The following LSAMP variants were observed in gnomAD, a reference collection of about 807,000 sequenced individuals.
The protein encoded by LSAMP is limbic system associated membrane protein, also known as limbic system-associated membrane protein.
LSAMP carries 7 observed loss-of-function variants against 38.6 expected under a neutral mutation model. The ratio of observed to expected loss-of-function variants is 0.18; its 90% CI spans 0.10 to 0.34. The LOEUF (loss-of-function observed/expected upper bound fraction) is 0.34. Ranked by LOEUF, LSAMP falls within the 10% of genes least tolerant of loss-of-function variation. The pLI, the probability that LSAMP is intolerant of heterozygous loss-of-function variation, is 1.00. For synonymous variants in LSAMP, 154 were observed against 166.8 expected (o/e 0.92, Z 0.59); for missense variants, 313 against 420.0 (o/e 0.75, Z 2.23).
intron 3 of LSAMP, among the ~76,000 whole-genome samples, chr3:115,947,328 A>G (rs1348237254): frequency 6.6e-6 from 1 of 152,194 alleles, no homozygotes; most frequent in Non-Finnish European, 1.5e-5. Flanking sequence ...GAAAATTAGG[A>G]GAATTATAAA....
intron 1 of LSAMP, among the ~76,000 whole-genome samples, chr3:116,230,210 AC>A (rs1197711218): frequency 6.6e-6 from 1 of 152,010 alleles, no homozygotes; most frequent in Non-Finnish European, 1.5e-5. Context: ...TGAGTCTTTC[AC>A]ACTTGTGGGT....
At chr3:115,918,503 A>G (rs1364117912) in intron 3 of LSAMP, among the ~76,000 whole-genome samples, 1 of 152,152 alleles carries the variant, frequency 6.6e-6, no homozygotes, top group African/African-American at 2.4e-5. Flanking sequence ...CTCTCTGGCC[A>G]AGACTGTTAC....
rs183505671 is a variant in LSAMP, at chr3:115,926,057, A to G, written c.515-73440T>C. ...ATCCTAGAGAGCATTAAAAAGAAAA[A>G]AAAACATGTAAGGGAGTTTGCTAAA... On this transcript the variant is annotated intron_variant, in intron 3 of 6. Transcript: ENST00000490035. 1.0e-3 allele frequency among the ~76,000 whole-genome samples: 153 copies of G among 152,318 alleles called. No individual in the cohort carries two copies. In the South Asian group the frequency reaches 0.025, roughly 25 times the overall value.
At chr3:116,357,524 C>T (rs1442844662) in intron 1 of LSAMP, among the ~76,000 whole-genome samples, 1 of 152,158 alleles carries the variant, frequency 6.6e-6, no homozygotes, top group Non-Finnish European at 1.5e-5. Flanking sequence ...TTTAAAACCT[C>T]GCACATGGTA....
chr3:116,192,897 A>T (rs886967821), intron 1 of LSAMP, among the ~76,000 whole-genome samples: 1 of 152,138 alleles, frequency 6.6e-6, no homozygotes, highest in African/African-American at 2.4e-5. Context: ...AATTTCCTCT[A>T]CCTGGTAAAT....
At chr3:116,177,038 AG>A (rs1338919129) in intron 1 of LSAMP, among the ~76,000 whole-genome samples, 1 of 152,148 alleles carries the variant, frequency 6.6e-6, no homozygotes, top group Non-Finnish European at 1.5e-5. Flanking sequence ...ATTAGATAAA[AG>A]CAAAGTTGGC....
intron 2 of LSAMP, among the ~76,000 whole-genome samples, chr3:116,077,350 T>C (rs1707767369): frequency 6.6e-6 from 1 of 152,086 alleles, no homozygotes; most frequent in Admixed American, 6.5e-5. Flanking sequence ...GCTCACTAAA[T>C]TCCAGAGTAT....
At chr3:115,953,434 CACACACACAAT>C (rs1417582772) in intron 3 of LSAMP, among the ~76,000 whole-genome samples, 1 of 151,762 alleles carries the variant, frequency 6.6e-6, no homozygotes, top group Non-Finnish European at 1.5e-5. Context: ...CACACACACA[CACACACACAAT>C]GTCTAAAATA....
Position 115,806,150 on chromosome 3 carries a change from G to A in LSAMP, c.*4167C>T, listed in dbSNP as rs948346423. The A allele has an allele frequency of 3.2e-4, 49 of 152,048 alleles. No homozygotes were observed. The highest frequency in any genetic ancestry group is 1.1e-3 in the African/African-American group (47 of 41,404). The allele number at this position is 152,048 out of a possible 1,614,324, so 9.4% of individuals were successfully genotyped here. A position where few individuals can be genotyped will look rare whatever the true frequency, so the allele number is the denominator to read the frequency against. On this transcript the variant is annotated 3_prime_UTR_variant, in exon 7 of 7. Transcript: ENST00000490035. The stretch of plus-strand genomic sequence containing the variant: ...ATAGTCTATAAGCAAATTTCTTTTC[G>A]CCAAATAATTACAAAACGGAAAAAG...
chr3:116,340,922 T>G (rs76491658), intron 1 of LSAMP, among the ~76,000 whole-genome samples: 1 of 152,006 alleles, frequency 6.6e-6, no homozygotes, highest in Non-Finnish European at 1.5e-5. Context: ...TCTTTCAACA[T>G]AGGAGAAGAA....
intron 6 of LSAMP, among the ~76,000 whole-genome samples, chr3:115,836,575 A>ATATATGCTGTGGCTATATGCACAGC: frequency 1.3e-5 from 2 of 152,302 alleles, no homozygotes; most frequent in Admixed American, 1.3e-4. Context: ...GGTTGGCCCT[A>ATATATGCTGTGGCTATATGCACAGC]TATATGCTGT....
intron 3 of LSAMP, among the ~76,000 whole-genome samples, chr3:115,977,706 C>T (rs1394653396): frequency 7.3e-6 from 1 of 136,916 alleles, no homozygotes; most frequent in Non-Finnish European, 1.5e-5. Flanking sequence ...AATGGCAGAG[C>T]AGGAATGAAT....
intron 1 of LSAMP, among the ~76,000 whole-genome samples, chr3:116,207,214 C>G (rs1352518637): frequency 6.6e-6 from 1 of 151,806 alleles, no homozygotes; most frequent in African/African-American, 2.4e-5. Flanking sequence ...TTATCAGAGA[C>G]TAGGATTGCA....
Position 116,300,707 on chromosome 3 carries a change from C to A in LSAMP, c.155+144170G>T, listed in dbSNP as rs1426196267. ...TACTTGATGATCTGAAGTTTCATCC[C>A]AAAACCACTCCCCCTACCCCAGTTT... On this transcript the variant is annotated intron_variant, in intron 1 of 6. Coordinates refer to ENST00000490035, the MANE Select transcript of LSAMP (RefSeq NM_002338.5). 3.9e-5 allele frequency among the ~76,000 whole-genome samples: 6 copies of A among 152,206 alleles called. No individual in the cohort carries two copies. In the East Asian group the frequency reaches 1.2e-3, roughly 29 times the overall value.
intron 3 of LSAMP, among the ~76,000 whole-genome samples, chr3:115,869,542 G>A (rs75490700): frequency 0.012 from 1,898 of 152,202 alleles, 16 homozygotes; most frequent in Non-Finnish European, 0.02. Context: ...CAATTAATTA[G>A]TAATAAATTA....
chr3:116,094,780 G>A (rs1708190801), intron 1 of LSAMP, among the ~76,000 whole-genome samples: 2 of 152,206 alleles, frequency 1.3e-5, no homozygotes, highest in African/African-American at 4.8e-5. Flanking sequence ...TGGCCTTGCA[G>A]CCTATTTACT....
intron 6 of LSAMP, among the ~76,000 whole-genome samples, chr3:115,826,605 T>C (rs1407234856): frequency 6.6e-6 from 1 of 152,190 alleles, no homozygotes; most frequent in East Asian, 1.9e-4. Context: ...TGTACCTGCT[T>C]CATTCTCCTT....
At chr3:116,410,503 A>T (rs1016295886) in intron 1 of LSAMP, among the ~76,000 whole-genome samples, 4 of 119,432 alleles carry the variant, frequency 3.3e-5, no homozygotes, top group African/African-American at 1.4e-4. Context: ...TTTTTTTTTT[A>T]AACTGGGAAC....
chr3:116,375,762 T>G (rs565792357), intron 1 of LSAMP, among the ~76,000 whole-genome samples: 1 of 152,088 alleles, frequency 6.6e-6, no homozygotes, highest in South Asian at 2.1e-4. Context: ...ACATAATTGA[T>G]AAAACTTACT....
Sources: gnomAD v4.1 joint callset for allele counts (sites outside exome capture counted in the v4.1 genomes callset) on GRCh38, gnomAD v4.1.1 for gene constraint, MANE v1.5 for transcripts, NCBI Gene and HGNC (gene_info 2026-07-23, HGNC 2026-07-21) for gene names.